Variants in MYO5A observed in about 807,000 individuals in gnomAD.
MYO5A encodes myosin VA, also known as unconventional myosin-Va.
MYO5A carries 98 observed loss-of-function variants against 249.7 expected under a neutral mutation model. That is an observed-to-expected ratio of 0.39 (90% CI 0.33 to 0.46). The LOEUF is 0.46. Among genes scored for constraint, MYO5A ranks in the 20% least tolerant of loss-of-function variants. The probability of loss-of-function intolerance (pLI) is 0.98; values close to 1 mark genes in which losing one functional copy is unlikely to be tolerated. For synonymous variants in MYO5A, 778 were observed against 810.6 expected (o/e 0.96, Z 0.68); for missense variants, 1,696 against 2,308.8 (o/e 0.73, Z 5.44).
At chr15:52,322,711 A>G (rs572287031) in intron 37 of MYO5A, among the ~76,000 whole-genome samples, 8 of 152,242 alleles carry the variant, frequency 5.3e-5, no homozygotes, top group African/African-American at 1.9e-4. Context: ...ATCCCCACAA[A>G]CAAAAACAAT....
intron 1 of MYO5A, among the ~76,000 whole-genome samples, chr15:52,453,249 T>C (rs1324217786): frequency 6.6e-6 from 1 of 152,056 alleles, no homozygotes; most frequent in Non-Finnish European, 1.5e-5. Context: ...AGCGAAAGTA[T>C]ATGGGCCAGA....
intron 1 of MYO5A, among the ~76,000 whole-genome samples, chr15:52,504,628 G>A (rs916761273): frequency 1.3e-5 from 2 of 152,130 alleles, no homozygotes; most frequent in Non-Finnish European, 1.5e-5. Context: ...AACGCTGGGC[G>A]AGGTGGCTCA....
intron 25 of MYO5A, among the ~76,000 whole-genome samples, chr15:52,355,832 C>T (rs1352129594): frequency 4.6e-5 from 7 of 152,102 alleles, no homozygotes; most frequent in Admixed American, 3.3e-4. Context: ...TCATGAAAGT[C>T]CTGGAACCAA....
intron 1 of MYO5A, among the ~76,000 whole-genome samples, chr15:52,492,574 T>C (rs1445093154): frequency 2.0e-5 from 3 of 152,186 alleles, no homozygotes; most frequent in Admixed American, 2.0e-4. Flanking sequence ...TTAGGTACAG[T>C]ACACTACTAC....
intron 29 of MYO5A, 115 bp from the exon 30 acceptor site, chr15:52,346,576 G>C: frequency 1.4e-6 from 1 of 736,672 alleles, no homozygotes; most frequent in Non-Finnish European, 2.4e-6. Context: ...CCATACCTGT[G>C]ACCCACCAAA....
rs1229024883 is a variant in MYO5A, at chr15:52,384,254, T to G, written c.1821A>C (p.Ser607=). 4 of 1,614,098 alleles carry G rather than the reference T, an allele frequency of 2.5e-6. No homozygotes were observed. Among genetic ancestry groups the G allele is most frequent in the Non-Finnish European group, 3.4e-6 (4 of 1,180,024 alleles). The change falls in exon 15 of 42, where the codon TCA becomes TCC. Residue 607 remains serine (S), a synonymous_variant. Transcript: ENST00000399233. ...KAISPTSATS[S]GRTPLTRTPA... ...GAGTTCGTGTGAGGGGTGTGCGCCC[T>G]GAGGAGGTGGCTGAAGTTGGACTGA...
At chr15:52,510,064 G>C (rs1201678607) in intron 1 of MYO5A, among the ~76,000 whole-genome samples, 1 of 152,142 alleles carries the variant, frequency 6.6e-6, no homozygotes, top group Non-Finnish European at 1.5e-5. Flanking sequence ...GAAAACCAAA[G>C]GACAACTGGC....
intron 1 of MYO5A, among the ~76,000 whole-genome samples, chr15:52,466,785 C>T (rs1462603658): frequency 6.6e-6 from 1 of 152,192 alleles, no homozygotes; most frequent in East Asian, 1.9e-4. Flanking sequence ...ATCCAGGCCC[C>T]TGGGGGTTCC....
intron 34 of MYO5A, chr15:52,331,650 C>T (rs2038893171): frequency 1.0e-6 from 1 of 985,048 alleles, no homozygotes; most frequent in Non-Finnish European, 1.2e-6. Flanking sequence ...TGGGTTAGTT[C>T]TGAGAAGCCA....
chr15:52,414,373 T>C (rs901251699), intron 5 of MYO5A, among the ~76,000 whole-genome samples: 3 of 152,194 alleles, frequency 2.0e-5, no homozygotes, highest in Non-Finnish European at 2.9e-5. Flanking sequence ...GCTATAGTTA[T>C]AGCAACACTA....
At chr15:52,519,689 A>T (rs1177944297) in intron 1 of MYO5A, among the ~76,000 whole-genome samples, 2 of 151,928 alleles carry the variant, frequency 1.3e-5, no homozygotes, top group Non-Finnish European at 2.9e-5. Context: ...TCAAAATTTC[A>T]ATTTCTAACA....
At chr15:52,366,657 TAC>T (rs890103952) in intron 23 of MYO5A, among the ~76,000 whole-genome samples, 13 of 101,508 alleles carry the variant, frequency 1.3e-4, no homozygotes, top group East Asian at 6.1e-4. Flanking sequence ...AAAAAGACAA[TAC>T]ACACACACAC....
At chr15:52,319,470 G>T in intron 38 of MYO5A, 128 bp from the exon 39 acceptor site, 1 of 1,059,694 alleles carries the variant, frequency 9.4e-7, no homozygotes, top group Non-Finnish European at 1.4e-6. Context: ...GCTCACATCT[G>T]TAATCCCAGC....
At chr15:52,444,763 T>C (rs1310144377) in intron 1 of MYO5A, among the ~76,000 whole-genome samples, 1 of 152,176 alleles carries the variant, frequency 6.6e-6, no homozygotes, top group Non-Finnish European at 1.5e-5. Context: ...GGCCTCTTTA[T>C]ATAGGGGTCT....
chr15:52,523,690 C>T (rs980293917), intron 1 of MYO5A, among the ~76,000 whole-genome samples: 2 of 152,150 alleles, frequency 1.3e-5, no homozygotes, highest in East Asian at 1.9e-4. Flanking sequence ...TAGAAGAAGT[C>T]GAATGTGAAA....
intron 1 of MYO5A, among the ~76,000 whole-genome samples, chr15:52,467,073 T>A (rs1250117616): frequency 2.6e-5 from 4 of 152,214 alleles, no homozygotes; most frequent in African/African-American, 9.7e-5. Flanking sequence ...ATCAGCATCA[T>A]AGTCACATCT....
At chr15:52,478,612 C>G (rs1246912802) in intron 1 of MYO5A, among the ~76,000 whole-genome samples, 1 of 152,184 alleles carries the variant, frequency 6.6e-6, no homozygotes, top group Non-Finnish European at 1.5e-5. Flanking sequence ...ATCAAACTAT[C>G]CTTTGCTGGC....
chr15:52,432,435 G>C (rs1008870542), intron 2 of MYO5A, among the ~76,000 whole-genome samples: 2 of 152,210 alleles, frequency 1.3e-5, no homozygotes, highest in African/African-American at 4.8e-5. Context: ...CCAGCAATCT[G>C]CAAAAATCCA....
At chr15:52,447,526 T>A (rs563343891) in intron 1 of MYO5A, among the ~76,000 whole-genome samples, 1 of 152,198 alleles carries the variant, frequency 6.6e-6, no homozygotes, top group African/African-American at 2.4e-5. Flanking sequence ...GCTATAAAGA[T>A]ACCTGAAAAT....
Sources: allele counts gnomAD v4.1 joint callset (sites outside exome capture counted in the v4.1 genomes callset), GRCh38; gene constraint gnomAD v4.1.1; transcripts MANE v1.5; gene names NCBI Gene and HGNC (gene_info 2026-07-23, HGNC 2026-07-21).